Variants in ARHGEF3 observed in about 807,000 individuals in gnomAD.
The protein encoded by ARHGEF3 is Rho guanine nucleotide exchange factor 3, also known as 59.8 kDA protein.
ARHGEF3 carries 28 observed loss-of-function variants against 63.2 expected under a neutral mutation model. The ratio of observed to expected loss-of-function variants is 0.44; its 90% CI spans 0.33 to 0.61. The LOEUF is 0.61. Ranked by LOEUF, ARHGEF3 falls within the 20% of genes least tolerant of loss-of-function variation. The pLI, the probability that ARHGEF3 is intolerant of heterozygous loss-of-function variation, is 0.03. For synonymous variants in ARHGEF3, 266 were observed against 254.2 expected (o/e 1.05, Z -0.44); for missense variants, 533 against 659.3 (o/e 0.81, Z 2.10).
At chr3:56,799,953 A>T (rs1357687784) in intron 1 of ARHGEF3, among the ~76,000 whole-genome samples, 2 of 152,216 alleles carry the variant, frequency 1.3e-5, no homozygotes, top group Non-Finnish European at 2.9e-5. Context: ...TTCTCACATC[A>T]GGATATCCCC....
intron 3 of ARHGEF3, among the ~76,000 whole-genome samples, chr3:56,937,936 A>G (rs1475143677): frequency 1.3e-5 from 2 of 152,244 alleles, no homozygotes; most frequent in African/African-American, 4.8e-5. Context: ...TCCATAAAAA[A>G]GTAATCAGTC....
At chr3:57,068,047 C>T (rs1291816656) in intron 1 of ARHGEF3, among the ~76,000 whole-genome samples, 1 of 152,006 alleles carries the variant, frequency 6.6e-6, no homozygotes, top group Non-Finnish European at 1.5e-5. Flanking sequence ...GTGGCATGCA[C>T]CTGTAGTCCC....
chr3:56,910,621 A>G (rs980319969), intron 3 of ARHGEF3, among the ~76,000 whole-genome samples: 1 of 152,216 alleles, frequency 6.6e-6, no homozygotes, highest in African/African-American at 2.4e-5. Context: ...AAACAAAAAC[A>G]AACCAAAAAA....
chr3:56,812,813 T>C (rs1425755241), intron 4 of ARHGEF3, among the ~76,000 whole-genome samples: 2 of 152,214 alleles, frequency 1.3e-5, no homozygotes, highest in African/African-American at 2.4e-5. Flanking sequence ...ACTTCTCTGC[T>C]AGCTGCTCCA....
chr3:57,031,281 A>G (rs1214629849), intron 2 of ARHGEF3, among the ~76,000 whole-genome samples: 1 of 152,238 alleles, frequency 6.6e-6, no homozygotes, highest in Non-Finnish European at 1.5e-5. Context: ...CTAAGATGAG[A>G]AATTGTGTTT....
At chr3:56,989,904 G>A (rs183043333) in intron 2 of ARHGEF3, among the ~76,000 whole-genome samples, 17 of 152,266 alleles carry the variant, frequency 1.1e-4, no homozygotes, top group African/African-American at 3.1e-4. Flanking sequence ...AATGGGAGCC[G>A]CTATTTACCA....
chr3:56,935,159 G>C (rs889097469), intron 3 of ARHGEF3, among the ~76,000 whole-genome samples: 7 of 152,168 alleles, frequency 4.6e-5, no homozygotes, highest in Admixed American at 4.6e-4. Context: ...TCAGCACCCT[G>C]TGTCTAGCTC....
At chr3:56,783,869 C>A (rs1178745956) in intron 1 of ARHGEF3, among the ~76,000 whole-genome samples, 1 of 152,084 alleles carries the variant, frequency 6.6e-6, no homozygotes, top group African/African-American at 2.4e-5. Flanking sequence ...TTAAATTGGC[C>A]CAAGATTAAA....
chr3:56,985,849 G>T (rs541682619), intron 2 of ARHGEF3, among the ~76,000 whole-genome samples: 1 of 152,262 alleles, frequency 6.6e-6, no homozygotes, highest in South Asian at 2.1e-4. Flanking sequence ...GGGGCTGGGG[G>T]TGGGCAAGGG....
At chr3:56,819,727 C>T (rs1279044498) in intron 4 of ARHGEF3, among the ~76,000 whole-genome samples, 2 of 151,886 alleles carry the variant, frequency 1.3e-5, no homozygotes, top group Non-Finnish European at 2.9e-5. Flanking sequence ...TACTACGTTG[C>T]CTAGGCTGGT....
At chr3:56,962,240 C>T (rs1359562470) in intron 2 of ARHGEF3, among the ~76,000 whole-genome samples, 1 of 152,182 alleles carries the variant, frequency 6.6e-6, no homozygotes, top group African/African-American at 2.4e-5. Flanking sequence ...TGCACCATCA[C>T]GGAAGCACCA....
chr3:56,991,529 T>C (rs1226006202), intron 2 of ARHGEF3, among the ~76,000 whole-genome samples: 2 of 152,252 alleles, frequency 1.3e-5, no homozygotes, highest in African/African-American at 4.8e-5. Flanking sequence ...TAAAGATTGA[T>C]AAATTTGATA....
intron 2 of ARHGEF3, among the ~76,000 whole-genome samples, chr3:56,974,651 G>A (rs149493964): frequency 3.3e-4 from 50 of 152,156 alleles, no homozygotes; most frequent in African/African-American, 1.1e-3. Flanking sequence ...CAAAGGGATC[G>A]TTCTCCCTCT....
intron 3 of ARHGEF3, among the ~76,000 whole-genome samples, chr3:56,930,921 G>A (rs1244942693): frequency 2.0e-5 from 3 of 152,096 alleles, no homozygotes; most frequent in African/African-American, 7.2e-5. Context: ...GCGAATCGAG[G>A]ACAAGTATTT....
At position 57,051,151 on chromosome 3, in the gene ARHGEF3, C is replaced by T. The variant is rs28710190; in HGVS notation, c.-27-15975G>A. On this transcript the variant is annotated intron_variant, in intron 1 of 12. Coordinates refer to the ARHGEF3 transcript ENST00000338458. The stretch of plus-strand genomic sequence containing the variant: ...ATTTCTACAGCTGAATGTGTAACTA[C>T]TTCTGGTACATACTATGAGTAATCT... Among the ~76,000 whole-genome samples, 34 of 152,346 alleles carry T rather than the reference C, an allele frequency of 2.2e-4. 1 individual carries two copies. Among genetic ancestry groups the T allele is most frequent in the Middle Eastern group, 6.8e-3 (2 of 294 alleles).
intron 2 of ARHGEF3, among the ~76,000 whole-genome samples, chr3:56,963,338 A>G (rs1700359049): frequency 6.6e-6 from 1 of 152,178 alleles, no homozygotes; most frequent in East Asian, 1.9e-4. Flanking sequence ...GGTGAGGCTC[A>G]TATTGGAGGG....
intron 2 of ARHGEF3, among the ~76,000 whole-genome samples, chr3:56,996,708 T>G (rs1701999946): frequency 6.6e-6 from 1 of 152,100 alleles, no homozygotes; most frequent in Non-Finnish European, 1.5e-5. Flanking sequence ...TCAAATGGAC[T>G]AAGACAGCAA....
intron 3 of ARHGEF3, among the ~76,000 whole-genome samples, chr3:56,912,166 C>T (rs1434531841): frequency 6.6e-6 from 1 of 152,046 alleles, no homozygotes; most frequent in Non-Finnish European, 1.5e-5. Context: ...CTATTTTTGA[C>T]TTTTTGTGCA....
intron 3 of ARHGEF3, among the ~76,000 whole-genome samples, chr3:56,932,578 T>C (rs1467694017): frequency 6.6e-6 from 1 of 152,212 alleles, no homozygotes; most frequent in African/African-American, 2.4e-5. Flanking sequence ...TTTTCTGTCA[T>C]TGTAACTGCT....
Sources: gnomAD v4.1 joint callset for allele counts (sites outside exome capture counted in the v4.1 genomes callset) on GRCh38, gnomAD v4.1.1 for gene constraint, MANE v1.5 for transcripts, NCBI Gene and HGNC (gene_info 2026-07-23, HGNC 2026-07-21) for gene names.